Variants in RNF19B observed in about 807,000 individuals in gnomAD.
RNF19B encodes E3 ubiquitin-protein ligase RNF19B.
RNF19B carries 23 observed loss-of-function variants against 65.5 expected under a neutral mutation model. That is an observed-to-expected ratio of 0.35 (90% confidence interval 0.25 to 0.50). The LOEUF (loss-of-function observed/expected upper bound fraction) is 0.50, where lower values mean the gene tolerates loss of function less well. RNF19B is among the 20% of genes least tolerant of loss of function. RNF19B has a pLI of 0.98. For synonymous variants in RNF19B, 372 were observed against 379.6 expected (o/e 0.98, Z 0.23); for missense variants, 794 against 980.0 (o/e 0.81, Z 2.53).
intron 8 of RNF19B, among the ~76,000 whole-genome samples, chr1:32,938,145 A>AG (rs1642149055): frequency 6.6e-6 from 1 of 150,420 alleles, no homozygotes; most frequent in African/African-American, 2.4e-5. Flanking sequence ...AAAGACAAAA[A>AG]AAAAAAAAAA....
intron 3 of RNF19B, among the ~76,000 whole-genome samples, chr1:32,947,649 ACT>A (rs1274408992): frequency 1.3e-5 from 2 of 150,702 alleles, no homozygotes; most frequent in Admixed American, 6.6e-5. Flanking sequence ...ACAGAGAGAA[ACT>A]CTGTCTTAAA....
chr1:32,929,121 T>A, the RNF19B span, among the ~76,000 whole-genome samples: 1 of 152,182 alleles, frequency 6.6e-6, no homozygotes, highest in African/African-American at 2.4e-5. Flanking sequence ...TTCCGCGGGC[T>A]GTGGGGGAGG....
intron 6 of RNF19B, among the ~76,000 whole-genome samples, chr1:32,943,376 C>T (rs921004308): frequency 9.2e-5 from 14 of 151,816 alleles, no homozygotes; most frequent in African/African-American, 3.4e-4. Flanking sequence ...CTTTGGGAGG[C>T]CAAGGTGGGC....
Position 32,964,772 on chromosome 1 carries a change from G to C in RNF19B, c.-87C>G. On this transcript the variant is annotated 5_prime_UTR_variant, in exon 1 of 9. Transcript: ENST00000235150. This position sits in a 1 kb window ranked among gnomAD's most constrained non-coding sequence, Gnocchi z 6.5. ...CCTCAGCCAGCGCCCGGCCGCCGCC[G>C]ACGCCGCCACCACCGCCTCAACCGC... 6 of 1,217,308 alleles carry C rather than the reference G, an allele frequency of 4.9e-6. No homozygotes were observed. The highest frequency in any genetic ancestry group is 6.3e-6 in the Non-Finnish European group (6 of 957,666). 75.4% of individuals were successfully genotyped at this position (1,217,308 alleles called of 1,614,324 possible). A position where few individuals can be genotyped will look rare whatever the true frequency, so the allele number is the denominator to read the frequency against.
intron 1 of RNF19B, among the ~76,000 whole-genome samples, chr1:32,958,948 G>C (rs1372487518): frequency 6.6e-6 from 1 of 152,106 alleles, no homozygotes; most frequent in Non-Finnish European, 1.5e-5. Context: ...GGAGGGGGTG[G>C]TGTGGAGTTG....
chr1:32,933,263 T>A (rs1048753946), downstream of RNF19B, among the ~76,000 whole-genome samples: 19 of 145,104 alleles, frequency 1.3e-4, no homozygotes, highest in African/African-American at 3.6e-4. Flanking sequence ...TATTATTTTT[T>A]TTTTTTTGTG....
At chr1:32,939,015 C>T (rs1642172563) in intron 7 of RNF19B, among the ~76,000 whole-genome samples, 3 of 152,200 alleles carry the variant, frequency 2.0e-5, no homozygotes, top group Non-Finnish European at 4.4e-5. Context: ...AATACCTATA[C>T]ATTTTATACT....
At chr1:32,963,523 C>T (rs574751954) in intron 1 of RNF19B, among the ~76,000 whole-genome samples, 1 of 152,106 alleles carries the variant, frequency 6.6e-6, no homozygotes, top group South Asian at 2.1e-4. Flanking sequence ...CGAGACCAGC[C>T]TAGCCAACAT....
chr1:32,933,413 C>A (rs562770247), downstream of RNF19B, among the ~76,000 whole-genome samples: 2 of 152,250 alleles, frequency 1.3e-5, no homozygotes, highest in Admixed American at 1.3e-4. Context: ...CACCACTACG[C>A]CCGGCTAATT....
Position 32,945,628 on chromosome 1 carries a change from T to G in RNF19B, c.1147A>C (p.Ile383Leu). ...IGIPVYVGRK[I>L]HSRYEGRKTS... ...TTCCTTCCCTCATACCTGCTGTGAATCTAAGAATAAAAAAAGAAAATCCAG... is the reference window on the plus strand; with the variant it reads ...TTCCTTCCCTCATACCTGCTGTGAAGCTAAGAATAAAAAAAGAAAATCCAG... Residue 383 changes from isoleucine (I) to leucine (L), a missense_variant and splice_region_variant, in exon 5 of 9, where the codon ATT (isoleucine) becomes CTT (leucine). Ile to Leu is a conservative substitution (Grantham distance 5). Transcript: ENST00000235150. 6.3e-7 allele frequency: 1 copy of G among 1,590,892 alleles called. No homozygotes were observed. The highest frequency in any genetic ancestry group is 8.6e-7 in the Non-Finnish European group (1 of 1,159,294).
At chr1:32,949,800 C>T in intron 1 of RNF19B, 26 bp from the exon 2 acceptor site, 6 of 1,565,600 alleles carry the variant, frequency 3.8e-6, no homozygotes, top group Non-Finnish European at 5.3e-6. Context: ...GTAAGAGATA[C>T]CAGTAAGGTA....
At chr1:32,955,573 A>T (rs1642616756) in intron 1 of RNF19B, among the ~76,000 whole-genome samples, 2 of 151,854 alleles carry the variant, frequency 1.3e-5, no homozygotes, top group African/African-American at 2.4e-5. Context: ...CTACAAAAAA[A>T]AAAAATACAA....
chr1:32,940,666 G>A (rs1001964913), intron 7 of RNF19B, among the ~76,000 whole-genome samples: 18 of 152,132 alleles, frequency 1.2e-4, no homozygotes, highest in African/African-American at 4.3e-4. Context: ...GATAGCTGAA[G>A]GCAACCATCT....
intron 7 of RNF19B, among the ~76,000 whole-genome samples, chr1:32,941,023 G>A (rs1376597918): frequency 6.6e-6 from 1 of 152,152 alleles, no homozygotes; most frequent in East Asian, 1.9e-4. Context: ...AGGAGTTTAA[G>A]ACCAGCCTGG....
chr1:32,946,738 T>C (rs1214919560), intron 3 of RNF19B, among the ~76,000 whole-genome samples, 174 bp from the exon 4 acceptor site: 1 of 152,228 alleles, frequency 6.6e-6, no homozygotes, highest in Non-Finnish European at 1.5e-5. Flanking sequence ...ATTAGAGCTC[T>C]GGGCTCTTTA....
At chr1:32,941,513 C>T (rs950292932) in intron 7 of RNF19B, among the ~76,000 whole-genome samples, 2 of 152,068 alleles carry the variant, frequency 1.3e-5, no homozygotes, top group African/African-American at 4.8e-5. Flanking sequence ...GCACTCCAGC[C>T]TGGGCGACAG....
At chr1:32,944,214 ATTC>A in intron 5 of RNF19B, 55 bp from the exon 6 acceptor site, 3 of 1,552,294 alleles carry the variant, frequency 1.9e-6, no homozygotes, top group African/African-American at 2.7e-5. Flanking sequence ...AGTGCCCTGA[ATTC>A]TTCTTCCCAG....
chr1:32,954,012 G>A (rs756244716), intron 1 of RNF19B, among the ~76,000 whole-genome samples: 12 of 148,190 alleles, frequency 8.1e-5, no homozygotes, highest in Admixed American at 2.1e-4. Flanking sequence ...GGGTTCAAGC[G>A]ATTCTCCTGC....
At chr1:32,941,778 C>T (rs532686842) in intron 7 of RNF19B, among the ~76,000 whole-genome samples, 359 of 151,420 alleles carry the variant, frequency 2.4e-3, no homozygotes, top group Middle Eastern at 0.014. Context: ...ACCTTTTTTT[C>T]TAAGCTTGTT....
Sources: gnomAD v4.1 joint callset for allele counts (sites outside exome capture counted in the v4.1 genomes callset) on GRCh38, gnomAD v4.1.1 for gene constraint, Gnocchi (gnomAD v3.1) non-coding constraint, MANE v1.5 for transcripts, NCBI Gene and HGNC (gene_info 2026-07-23, HGNC 2026-07-21) for gene names.